Variants in MTFR1 observed in about 807,000 individuals in gnomAD.
MTFR1 encodes mitochondrial fission regulator 1.
MTFR1 carries 28 observed loss-of-function variants against 38.8 expected under a neutral mutation model. The ratio of observed to expected loss-of-function variants is 0.72; its 90% CI spans 0.53 to 0.99. The LOEUF (loss-of-function observed/expected upper bound fraction) is 0.99. MTFR1 is among the 50% of genes least tolerant of loss of function. The probability of loss-of-function intolerance (pLI) is 0.00; values close to 1 mark genes in which losing one functional copy is unlikely to be tolerated. For synonymous variants in MTFR1, 145 were observed against 137.0 expected (o/e 1.06, Z -0.41); for missense variants, 358 against 395.5 (o/e 0.91, Z 0.81).
At chr8:65,686,326 C>T (rs1365564877) in intron 3 of MTFR1, among the ~76,000 whole-genome samples, 1 of 152,184 alleles carries the variant, frequency 6.6e-6, no homozygotes, top group Non-Finnish European at 1.5e-5. Context: ...AATCCCAGCA[C>T]TTTGGGAGGC....
downstream of MTFR1, among the ~76,000 whole-genome samples, chr8:65,775,151 G>T (rs1877640): frequency 0.48 from 73,164 of 152,004 alleles, 20,507 homozygotes; most frequent in African/African-American, 0.78. Flanking sequence ...TCCCCTCTTA[G>T]TTTTTGAGTA....
At chr8:65,708,594 G>T (rs541437953) in intron 7 of MTFR1, among the ~76,000 whole-genome samples, 1 of 152,112 alleles carries the variant, frequency 6.6e-6, no homozygotes. Context: ...GTCCTGGGGC[G>T]TGTGTGTGCT....
intron 1 of MTFR1, among the ~76,000 whole-genome samples, chr8:65,649,232 G>C (rs545877846): frequency 6.6e-6 from 1 of 151,872 alleles, no homozygotes; most frequent in South Asian, 2.1e-4. Flanking sequence ...CCAGGCTGGA[G>C]TGCAATGGCA....
At chr8:65,761,363 CCT>C (rs1299946331) in intron 3 of MTFR1, among the ~76,000 whole-genome samples, 2 of 152,084 alleles carry the variant, frequency 1.3e-5, no homozygotes, top group African/African-American at 4.8e-5. Context: ...CACGCCTGGC[CCT>C]CTTACCAATA....
downstream of MTFR1, among the ~76,000 whole-genome samples, chr8:65,713,195 C>CT (rs528488766): frequency 1.1e-4 from 16 of 152,308 alleles, no homozygotes; most frequent in East Asian, 3.1e-3. Context: ...AATCCCAGCA[C>CT]TTTGGGAGGC....
At position 65,687,943 on chromosome 8, in the gene MTFR1, T is replaced by G. The variant is rs573115926; in HGVS notation, c.165+5492T>G. ...GGTGAAACTCTGTCTCTATTAAAAA[T>G]ACAAAAATTACCTGGGTGTGATGGC... On this transcript the variant is annotated intron_variant, in intron 3 of 7. Coordinates refer to ENST00000262146, the MANE Select transcript of MTFR1 (RefSeq NM_014637.4). 2.6e-5 allele frequency among the ~76,000 whole-genome samples: 4 copies of G among 151,400 alleles called. No individual in the cohort carries two copies. In the South Asian group the frequency reaches 8.4e-4, roughly 32 times the overall value.
intron 3 of MTFR1, among the ~76,000 whole-genome samples, chr8:65,723,931 A>G (rs1033882380): frequency 1.3e-5 from 2 of 152,168 alleles, no homozygotes; most frequent in Non-Finnish European, 2.9e-5. Flanking sequence ...TACACACACA[A>G]AAGTTTTACA....
chr8:65,727,499 T>G (rs529404003), intron 3 of MTFR1: 2 of 585,658 alleles, frequency 3.4e-6, no homozygotes, highest in Admixed American at 6.9e-5. Flanking sequence ...GGCAAAGCCA[T>G]GATACAACAG....
intron 3 of MTFR1, chr8:65,722,436 C>T (rs17395851): frequency 0.041 from 6,317 of 152,350 alleles, 195 homozygotes; most frequent in Non-Finnish European, 0.062. Context: ...GAGTATGATG[C>T]CACATATTGT....
chr8:65,653,817 C>A (rs769032453), intron 1 of MTFR1, among the ~76,000 whole-genome samples: 3 of 152,096 alleles, frequency 2.0e-5, no homozygotes, highest in South Asian at 4.2e-4. Flanking sequence ...GTAATCCCAG[C>A]AATTTGGGAG....
At chr8:65,664,096 G>A (rs1345639286) in intron 1 of MTFR1, among the ~76,000 whole-genome samples, 2 of 151,950 alleles carry the variant, frequency 1.3e-5, no homozygotes, top group Admixed American at 1.3e-4. Flanking sequence ...GATTACAGGC[G>A]TGAGCCATTG....
At chr8:65,725,632 A>G (rs1806577386) in intron 3 of MTFR1, 1 of 152,202 alleles carries the variant, frequency 6.6e-6, no homozygotes, top group Non-Finnish European at 1.5e-5. Context: ...GGCCATAGCA[A>G]ATACTATCTC....
At chr8:65,704,399 C>T (rs1563457221) in intron 4 of MTFR1, among the ~76,000 whole-genome samples, 2 of 152,144 alleles carry the variant, frequency 1.3e-5, no homozygotes, top group East Asian at 1.9e-4. Context: ...CAAAAGAAAA[C>T]GTCAATTAGC....
At chr8:65,703,554 C>T (rs539839573) in intron 4 of MTFR1, among the ~76,000 whole-genome samples, 96 of 150,500 alleles carry the variant, frequency 6.4e-4, no homozygotes, top group African/African-American at 2.1e-3. Context: ...GTACCTCAGC[C>T]TCCCAAGTAG....
At chr8:65,693,494 T>C in intron 3 of MTFR1, 150 bp from the exon 4 acceptor site, 2 of 623,900 alleles carry the variant, frequency 3.2e-6, no homozygotes, top group South Asian at 2.0e-5. Flanking sequence ...TGATTATGAC[T>C]ATTAATCATG....
At chr8:65,731,982 T>TATTATC (rs1378013604) in intron 3 of MTFR1, among the ~76,000 whole-genome samples, 1 of 151,824 alleles carries the variant, frequency 6.6e-6, no homozygotes, top group East Asian at 1.9e-4. Flanking sequence ...TTATTATTAT[T>TATTATC]ATTATTGTTG....
chr8:65,733,619 T>G (rs1485183122), intron 3 of MTFR1, among the ~76,000 whole-genome samples: 2 of 151,966 alleles, frequency 1.3e-5, no homozygotes, highest in East Asian at 3.8e-4. Flanking sequence ...ACCCTGTCTC[T>G]TAGAGAAAAA....
intron 3 of MTFR1, chr8:65,739,561 C>G: frequency 1.3e-6 from 2 of 1,558,596 alleles, no homozygotes; most frequent in Non-Finnish European, 1.7e-6. Flanking sequence ...TCCATGAAGA[C>G]TAAATAAATG....
chr8:65,666,194 G>A (rs1231852467), intron 1 of MTFR1, among the ~76,000 whole-genome samples: 1 of 152,198 alleles, frequency 6.6e-6, no homozygotes. Context: ...ATCACCTGAG[G>A]TCAGGTGTTT....
Sources: allele counts gnomAD v4.1 joint callset (sites outside exome capture counted in the v4.1 genomes callset), GRCh38; gene constraint gnomAD v4.1.1; transcripts MANE v1.5; gene names NCBI Gene and HGNC (gene_info 2026-07-23, HGNC 2026-07-21).